The following BICC1 variants were observed in gnomAD, a reference collection of about 807,000 sequenced individuals.
BICC1 encodes BicC family RNA binding protein 1.
A neutral mutation model predicts 111.0 loss-of-function variants in BICC1; 43 were observed. That is an observed-to-expected ratio of 0.39 (90% CI 0.30 to 0.50). The LOEUF (loss-of-function observed/expected upper bound fraction) is 0.50, where lower values mean the gene tolerates loss of function less well. BICC1 is among the 20% of genes least tolerant of loss of function. The pLI, the probability that BICC1 is intolerant of heterozygous loss-of-function variation, is 0.88. For missense variants in BICC1, 1,091 were observed against 1,203.2 expected (o/e 0.91, Z 1.38); for synonymous variants, 467 against 434.4 (o/e 1.07, Z -0.93).
chr10:58,752,091 A>G (rs1029944981), intron 3 of BICC1, among the ~76,000 whole-genome samples: 17 of 152,160 alleles, frequency 1.1e-4, no homozygotes, highest in African/African-American at 4.1e-4. Flanking sequence ...CATTTTTAAA[A>G]TATCTCTTCA....
chr10:58,824,118 C>G (rs1844328456), intron 20 of BICC1: 3 of 983,130 alleles, frequency 3.1e-6, no homozygotes, highest in Non-Finnish European at 3.6e-6. Context: ...ATCGATTTCT[C>G]AGATTTGTAT....
intron 1 of BICC1, among the ~76,000 whole-genome samples, chr10:58,561,380 G>T (rs1031089592): frequency 3.1e-4 from 47 of 151,264 alleles, no homozygotes; most frequent in African/African-American, 1.0e-3. Flanking sequence ...TTTAGTTTTG[G>T]TTTCTCTTTG....
intron 3 of BICC1, among the ~76,000 whole-genome samples, chr10:58,741,663 A>G (rs1173724101): frequency 2.0e-5 from 3 of 152,194 alleles, no homozygotes; most frequent in African/African-American, 7.2e-5. Context: ...TTGCATTACA[A>G]ACGGGAAACT....
intron 2 of BICC1, among the ~76,000 whole-genome samples, chr10:58,637,418 C>T (rs1306767301): frequency 6.6e-6 from 1 of 152,108 alleles, no homozygotes; most frequent in Non-Finnish European, 1.5e-5. Context: ...TGCTTGGCAG[C>T]ATGGCATAAA....
intron 3 of BICC1, among the ~76,000 whole-genome samples, chr10:58,714,799 TAAATTATTTTCATGA>T (rs1840685695): frequency 6.6e-6 from 1 of 151,658 alleles, no homozygotes; most frequent in Non-Finnish European, 1.5e-5. Flanking sequence ...CAGGAGCAAT[TAAATTATTTTCATGA>T]AGGCAATTTG....
At chr10:58,678,268 C>G (rs1248518034) in intron 2 of BICC1, among the ~76,000 whole-genome samples, 1 of 152,134 alleles carries the variant, frequency 6.6e-6, no homozygotes, top group Non-Finnish European at 1.5e-5. Context: ...GATAAAGACT[C>G]AAGACCCATC....
At position 58,798,417 on chromosome 10, in the gene BICC1, C is replaced by T; in HGVS notation, c.1385C>T (p.Thr462Ile). The T allele has an allele frequency of 6.3e-7, 1 of 1,594,972 alleles. No homozygotes were observed. Among genetic ancestry groups the T allele is most frequent in the Middle Eastern group, 1.7e-4 (1 of 5,994 alleles). ...ATTACAGGTCTTTTGGGACCCACCA[C>T]CTTATCTCTGAACACTTCAACAACC... ...LTGLGLLGPT[T>I]LSLNTSTTPN... Residue 462 changes from threonine to isoleucine, a missense_variant, in exon 11 of 21, where the codon ACC becomes ATC. Transcript: ENST00000373886.
chr10:58,768,706 A>C (rs1333461102), intron 3 of BICC1, among the ~76,000 whole-genome samples: 2 of 151,944 alleles, frequency 1.3e-5, no homozygotes, highest in African/African-American at 4.8e-5. Flanking sequence ...AAAAATGGGG[A>C]GTAAAAGTGT....
chr10:58,550,236 G>A (rs1843260188), intron 1 of BICC1, among the ~76,000 whole-genome samples: 1 of 152,008 alleles, frequency 6.6e-6, no homozygotes, highest in South Asian at 2.1e-4. Context: ...TGACCAGGCT[G>A]GTCTCAAACT....
At chr10:58,671,881 T>C (rs1284096079) in intron 2 of BICC1, among the ~76,000 whole-genome samples, 1 of 152,174 alleles carries the variant, frequency 6.6e-6, no homozygotes, top group Non-Finnish European at 1.5e-5. Flanking sequence ...TTATTTGGTT[T>C]CTCATCAGCA....
chr10:58,738,228 C>A (rs1398799958), intron 3 of BICC1, among the ~76,000 whole-genome samples: 1 of 152,150 alleles, frequency 6.6e-6, no homozygotes, highest in Non-Finnish European at 1.5e-5. Context: ...TTAGGTCTAA[C>A]AATTAAGTCT....
At chr10:58,630,240 G>A (rs1837752024) in intron 2 of BICC1, among the ~76,000 whole-genome samples, 1 of 152,172 alleles carries the variant, frequency 6.6e-6, no homozygotes, top group Non-Finnish European at 1.5e-5. Context: ...GAGAGGCCAG[G>A]AGTGGTGCTG....
intron 1 of BICC1, among the ~76,000 whole-genome samples, chr10:58,514,652 T>G (rs2132488374): frequency 7.1e-6 from 1 of 140,822 alleles, no homozygotes; most frequent in African/African-American, 2.7e-5. Flanking sequence ...ATGTGTGTCA[T>G]GTCTTTCTCT....
chr10:58,814,393 T>C (rs1844018222), intron 18 of BICC1: 1 of 448,882 alleles, frequency 2.2e-6, no homozygotes, highest in East Asian at 4.0e-5. Flanking sequence ...TGACACCTAG[T>C]AGGTAGGTGC....
chr10:58,610,401 A>G (rs1845378308), intron 1 of BICC1, among the ~76,000 whole-genome samples: 1 of 152,128 alleles, frequency 6.6e-6, no homozygotes, highest in African/African-American at 2.4e-5. Context: ...AGTGTGTGTA[A>G]TCTGCAGAGT....
intron 2 of BICC1, among the ~76,000 whole-genome samples, chr10:58,645,744 A>G (rs1237910498): frequency 6.6e-6 from 1 of 152,206 alleles, no homozygotes; most frequent in Non-Finnish European, 1.5e-5. Context: ...CTAACTTTAA[A>G]CGAAGGCACA....
intron 2 of BICC1, among the ~76,000 whole-genome samples, chr10:58,669,774 T>C (rs1279864715): frequency 6.6e-6 from 1 of 152,190 alleles, no homozygotes; most frequent in African/African-American, 2.4e-5. Context: ...GCTAGAACTT[T>C]ACCCATATAT....
intron 1 of BICC1, among the ~76,000 whole-genome samples, chr10:58,527,520 T>C (rs1168679466): frequency 1.3e-5 from 2 of 152,234 alleles, no homozygotes; most frequent in Admixed American, 1.3e-4. Flanking sequence ...TGAATAGTAT[T>C]GTCTAGGTTT....
At chr10:58,772,627 C>A (rs1842649433) in intron 3 of BICC1, among the ~76,000 whole-genome samples, 1 of 152,132 alleles carries the variant, frequency 6.6e-6, no homozygotes, top group Non-Finnish European at 1.5e-5. Flanking sequence ...GCTTTCTTAG[C>A]CTTTCTGAAA....
Sources: gnomAD v4.1 joint callset for allele counts (sites outside exome capture counted in the v4.1 genomes callset) on GRCh38, gnomAD v4.1.1 for gene constraint, MANE v1.5 for transcripts, NCBI Gene and HGNC (gene_info 2026-07-23, HGNC 2026-07-21) for gene names.